The following ZNF804A variants were observed in gnomAD, a reference collection of about 807,000 sequenced individuals.
ZNF804A encodes the protein zinc finger protein 804A.
A neutral mutation model predicts 16.5 loss-of-function variants in ZNF804A; 2 were observed. The ratio of observed to expected loss-of-function variants is 0.12; its 90% confidence interval spans 0.05 to 0.38. ZNF804A has a LOEUF of 0.38. Among genes scored for constraint, ZNF804A ranks in the 10% least tolerant of loss-of-function variants. The pLI is 0.99. For missense variants in ZNF804A, 1,473 were observed against 1,390.7 expected, an observed-to-expected ratio of 1.06 and a Z score of -0.94; for synonymous variants, 534 against 489.6, an observed-to-expected ratio of 1.09 and a Z score of -1.20.
At chr2:184,705,943 A>G (rs901350845) in intron 1 of ZNF804A, among the ~76,000 whole-genome samples, 1 of 152,110 alleles carries the variant, frequency 6.6e-6, no homozygotes, top group African/African-American at 2.4e-5. Flanking sequence ...CAATGAGAAG[A>G]GTAGCTGAGG....
chr2:184,817,920 A>G (rs1426167238), intron 1 of ZNF804A, among the ~76,000 whole-genome samples: 1 of 152,060 alleles, frequency 6.6e-6, no homozygotes, highest in Non-Finnish European at 1.5e-5. Flanking sequence ...AAAATGACTT[A>G]ATCTACAACA....
At chr2:184,731,282 GA>G (rs1442043713) in intron 1 of ZNF804A, among the ~76,000 whole-genome samples, 7 of 103,764 alleles carry the variant, frequency 6.7e-5, no homozygotes, top group Admixed American at 3.0e-4. Context: ...AAAAAAAAAG[GA>G]AAAAAGAAAA....
chr2:184,933,713 G>A lies in ZNF804A; in HGVS notation c.366G>A (p.Glu122=), dbSNP rs149193146. The change falls in exon 3 of 4, where the codon GAG becomes GAA. Residue 122 remains glutamate, a synonymous_variant. Transcript: ENST00000302277. ...KALQRLHKLA[E]LRKETVCAPG... Reference sequence around the variant, plus strand: ...TCCAACGCCTGCACAAGCTGGCTGAGCTAAGAAAGGAAACTGTATGGTGAG... The same window carrying A: ...TCCAACGCCTGCACAAGCTGGCTGAACTAAGAAAGGAAACTGTATGGTGAG... 2.5e-6 allele frequency: 4 copies of A among 1,601,266 alleles called. No individual in the cohort carries two copies. The African/African-American group carries it at 5.4e-5, about 22-fold the overall frequency.
At chr2:184,649,234 G>T (rs2105699226) in intron 1 of ZNF804A, among the ~76,000 whole-genome samples, 1 of 152,148 alleles carries the variant, frequency 6.6e-6, no homozygotes, top group Admixed American at 6.5e-5. Flanking sequence ...TTGAATAAAT[G>T]AAAATAATAA....
chr2:184,815,337 C>T (rs1574225156), intron 1 of ZNF804A, among the ~76,000 whole-genome samples: 1 of 151,972 alleles, frequency 6.6e-6, no homozygotes, highest in South Asian at 2.1e-4. Flanking sequence ...AAAGCCCTCA[C>T]TTGGAGTTAT....
chr2:184,765,605 ACC>A (rs148315108), intron 1 of ZNF804A, among the ~76,000 whole-genome samples: 1 of 56,178 alleles, frequency 1.8e-5, no homozygotes, highest in African/African-American at 5.5e-5. Flanking sequence ...CCTCACATGC[ACC>A]CCCCCCCCTT....
intron 1 of ZNF804A, among the ~76,000 whole-genome samples, chr2:184,637,915 T>C (rs1314660255): frequency 6.6e-6 from 1 of 152,186 alleles, no homozygotes; most frequent in Non-Finnish European, 1.5e-5. Context: ...TTTACCATTA[T>C]ATTCTGAACC....
chr2:184,731,464 T>G (rs535567450), intron 1 of ZNF804A, among the ~76,000 whole-genome samples: 21 of 152,010 alleles, frequency 1.4e-4, no homozygotes, highest in Admixed American at 9.2e-4. Flanking sequence ...TTGTTTTAAC[T>G]TGGATTTCCC....
At chr2:184,928,869 T>G (rs2105840327) in intron 2 of ZNF804A, among the ~76,000 whole-genome samples, 1 of 152,250 alleles carries the variant, frequency 6.6e-6, no homozygotes, top group Non-Finnish European at 1.5e-5. Context: ...CTCTCTCAAG[T>G]GTGCAGATTT....
At chr2:184,805,209 T>C (rs912382370) in intron 1 of ZNF804A, among the ~76,000 whole-genome samples, 2 of 152,192 alleles carry the variant, frequency 1.3e-5, no homozygotes, top group Non-Finnish European at 2.9e-5. Flanking sequence ...TATTATTTTT[T>C]CTGCTTTTAA....
intron 1 of ZNF804A, among the ~76,000 whole-genome samples, chr2:184,742,011 A>C (rs1477464683): frequency 6.6e-6 from 1 of 151,978 alleles, no homozygotes; most frequent in Non-Finnish European, 1.5e-5. Context: ...ATTCAGTCTA[A>C]TTTTTATTTT....
intron 1 of ZNF804A, among the ~76,000 whole-genome samples, chr2:184,800,633 A>T (rs917280292): frequency 1.3e-5 from 2 of 151,604 alleles, no homozygotes; most frequent in African/African-American, 4.8e-5. Flanking sequence ...GTTTGAAAAT[A>T]TTGTACAATT....
At chr2:184,793,988 T>C (rs780972012) in intron 1 of ZNF804A, among the ~76,000 whole-genome samples, 1 of 152,222 alleles carries the variant, frequency 6.6e-6, no homozygotes, top group Non-Finnish European at 1.5e-5. Context: ...GCATTTGGGC[T>C]GGCTCCACAT....
intron 2 of ZNF804A, among the ~76,000 whole-genome samples, chr2:184,926,405 T>A (rs1685613704): frequency 6.6e-6 from 1 of 152,098 alleles, no homozygotes; most frequent in African/African-American, 2.4e-5. Flanking sequence ...TATTTGTTTC[T>A]TCTTTCTTGC....
intron 1 of ZNF804A, among the ~76,000 whole-genome samples, chr2:184,718,433 T>C (rs1276650198): frequency 2.0e-5 from 3 of 152,146 alleles, no homozygotes; most frequent in African/African-American, 7.2e-5. Context: ...ATTTAACTCA[T>C]TTCAGCATTA....
rs139073982 is a variant in ZNF804A, at chr2:184,934,603, C to A, written c.386+870C>A. On this transcript the variant is annotated intron_variant, in intron 3 of 3. Transcript: ENST00000302277. ...CAGTTACACTAATCAGATATGTTTA[C>A]TTTTTGTGGTAATGAATAAAAAATT... is the stretch of plus-strand genomic sequence containing the variant. Among the ~76,000 whole-genome samples, 281 of 152,118 alleles carry A rather than the reference C, an allele frequency of 1.8e-3. 1 individual carries two copies. The highest frequency in any genetic ancestry group is 3.1e-3 in the Non-Finnish European group (208 of 67,940).
At chr2:184,607,459 C>T (rs1004463991) in intron 1 of ZNF804A, among the ~76,000 whole-genome samples, 1 of 152,092 alleles carries the variant, frequency 6.6e-6, no homozygotes, top group African/African-American at 2.4e-5. Context: ...AGTGAAGGCC[C>T]TTATAAAAGG....
At chr2:184,872,522 T>C (rs1471235326) in intron 2 of ZNF804A, among the ~76,000 whole-genome samples, 5 of 152,044 alleles carry the variant, frequency 3.3e-5, no homozygotes, top group African/African-American at 9.7e-5. Flanking sequence ...AGAAGAACAA[T>C]AGACCATATA....
At chr2:184,933,558 A>G (rs751314234) in intron 2 of ZNF804A, 45 bp from the exon 3 acceptor site, 2 of 1,549,474 alleles carry the variant, frequency 1.3e-6, no homozygotes, top group East Asian at 2.3e-5. Flanking sequence ...TAAAACTACT[A>G]TAGACCAAAA....
Sources: allele counts gnomAD v4.1 joint callset (sites outside exome capture counted in the v4.1 genomes callset), GRCh38; gene constraint gnomAD v4.1.1; transcripts MANE v1.5; gene names NCBI Gene and HGNC (gene_info 2026-07-23, HGNC 2026-07-21).